Variants in RORA observed in about 807,000 individuals in gnomAD.
RORA encodes nuclear receptor ROR-alpha.
RORA carries 7 observed loss-of-function variants against 69.5 expected under a neutral mutation model. That is an observed-to-expected ratio of 0.10 (90% CI 0.06 to 0.19). The LOEUF is 0.19. RORA is among the 10% of genes least tolerant of loss of function. RORA has a pLI of 1.00. For missense variants in RORA, 457 were observed against 663.0 expected (o/e 0.69, Z 3.41); for synonymous variants, 261 against 240.8 (o/e 1.08, Z -0.78).
chr15:61,123,858 A>C (rs2079122469), intron 1 of RORA, among the ~76,000 whole-genome samples: 1 of 152,218 alleles, frequency 6.6e-6, no homozygotes, highest in South Asian at 2.1e-4. Context: ...CCTTCTGTCT[A>C]CTTCCTACAT....
At chr15:60,817,544 A>C (rs141899274) in intron 1 of RORA, among the ~76,000 whole-genome samples, 125 of 152,350 alleles carry the variant, frequency 8.2e-4, no homozygotes, top group African/African-American at 3.0e-3. Context: ...GTGCAATACA[A>C]CACCAGAACT....
intron 3 of RORA, 109 bp from the exon 4 acceptor site, chr15:60,514,866 A>C (rs34783737): frequency 0.084 from 65,306 of 773,744 alleles, 3,153 homozygotes; most frequent in Middle Eastern, 0.1. Context: ...TGGAGAATTA[A>C]ACTTGTAGCA....
intron 4 of RORA, among the ~76,000 whole-genome samples, chr15:60,512,781 A>G (rs2065744606): frequency 6.6e-6 from 1 of 152,242 alleles, no homozygotes; most frequent in Non-Finnish European, 1.5e-5. Context: ...AGTCACTATA[A>G]TGAATAACTT....
intron 1 of RORA, chr15:61,041,082 G>T (rs1819888912): frequency 6.6e-6 from 1 of 151,984 alleles, no homozygotes; most frequent in African/African-American, 2.4e-5. Flanking sequence ...ATGGGGAGAT[G>T]GAAAAAAAAC....
chr15:60,677,284 T>C, intron 2 of RORA: 1 of 439,940 alleles, frequency 2.3e-6, no homozygotes, highest in Non-Finnish European at 4.7e-6. Flanking sequence ...CTCTCAGTCA[T>C]CATGAGCTCA....
chr15:61,095,506 G>C (rs2078775828), intron 1 of RORA, among the ~76,000 whole-genome samples: 1 of 152,150 alleles, frequency 6.6e-6, no homozygotes, highest in Admixed American at 6.5e-5. Context: ...ACCCATCTGA[G>C]GAATCTTGGC....
chr15:60,651,928 T>C (rs1330644219), intron 2 of RORA, among the ~76,000 whole-genome samples: 1 of 152,172 alleles, frequency 6.6e-6, no homozygotes. Context: ...TGTCAATAGC[T>C]GGATGTGAGC....
At chr15:60,689,794 A>G (rs914250374) in intron 1 of RORA, among the ~76,000 whole-genome samples, 3 of 152,202 alleles carry the variant, frequency 2.0e-5, no homozygotes, top group Non-Finnish European at 4.4e-5. Flanking sequence ...TTGGAGTGAC[A>G]TAGCTATAAG....
At chr15:61,016,870 T>C (rs1404908459) in intron 1 of RORA, among the ~76,000 whole-genome samples, 1 of 152,174 alleles carries the variant, frequency 6.6e-6, no homozygotes, top group Non-Finnish European at 1.5e-5. Flanking sequence ...ATGGCCCAGA[T>C]AAACCTGATT....
At chr15:60,778,200 A>C (rs577661303) in intron 1 of RORA, among the ~76,000 whole-genome samples, 1 of 144,586 alleles carries the variant, frequency 6.9e-6, no homozygotes, top group East Asian at 2.0e-4. Context: ...TGGCTTACTG[A>C]ACAGCTGGGC....
At chr15:60,998,000 T>C (rs1426358688) in intron 1 of RORA, among the ~76,000 whole-genome samples, 3 of 152,184 alleles carry the variant, frequency 2.0e-5, no homozygotes, top group Admixed American at 6.5e-5. Context: ...GATGCTCCGG[T>C]GAAGATGGGT....
intron 9 of RORA, among the ~76,000 whole-genome samples, chr15:60,500,320 CTAA>C (rs1430561594): frequency 6.6e-6 from 1 of 152,102 alleles, no homozygotes; most frequent in Non-Finnish European, 1.5e-5. Flanking sequence ...TCGAGACGTT[CTAA>C]TAATTATACT....
intron 1 of RORA, among the ~76,000 whole-genome samples, chr15:61,188,582 G>T (rs948807096): frequency 6.6e-6 from 1 of 152,174 alleles, no homozygotes; most frequent in Non-Finnish European, 1.5e-5. Flanking sequence ...CCTGTTTTAA[G>T]AGCACCTACC....
intron 1 of RORA, among the ~76,000 whole-genome samples, chr15:60,934,600 G>A (rs1206543035): frequency 1.3e-5 from 2 of 152,134 alleles, no homozygotes; most frequent in African/African-American, 4.8e-5. Flanking sequence ...TCAGCCTCCT[G>A]AGTTGCTGGG....
intron 1 of RORA, among the ~76,000 whole-genome samples, chr15:60,810,099 G>A (rs2072720505): frequency 6.6e-6 from 1 of 152,024 alleles, no homozygotes; most frequent in Admixed American, 6.6e-5. Context: ...GTCTTTCTTG[G>A]TTTATGCCCT....
At chr15:61,109,104 G>A (rs1035614367) in intron 1 of RORA, among the ~76,000 whole-genome samples, 2 of 152,288 alleles carry the variant, frequency 1.3e-5, no homozygotes, top group Non-Finnish European at 2.9e-5. Context: ...GCTGAGGCAC[G>A]AGAATAGCTT....
chr15:61,071,190 C>G (rs1214569295), intron 1 of RORA, among the ~76,000 whole-genome samples: 2 of 102,756 alleles, frequency 1.9e-5, no homozygotes, highest in African/African-American at 8.2e-5. Context: ...CTTGACTTCA[C>G]TGGTACATCC....
intron 1 of RORA, among the ~76,000 whole-genome samples, chr15:61,066,010 C>T (rs937697985): frequency 6.6e-6 from 1 of 152,202 alleles, no homozygotes; most frequent in Non-Finnish European, 1.5e-5. Context: ...GCTCAATTTT[C>T]CTCTTCTGGG....
chr15:61,109,478 C>A (rs2078983551), intron 1 of RORA, among the ~76,000 whole-genome samples: 1 of 152,160 alleles, frequency 6.6e-6, no homozygotes, highest in East Asian at 1.9e-4. Flanking sequence ...CACCTCACTG[C>A]CTCTGTTATC....
Sources: gnomAD v4.1 joint callset for allele counts (sites outside exome capture counted in the v4.1 genomes callset) on GRCh38, gnomAD v4.1.1 for gene constraint, MANE v1.5 for transcripts, NCBI Gene and HGNC (gene_info 2026-07-23, HGNC 2026-07-21) for gene names.